MTOR: variants seen among roughly 807,000 people sequenced by gnomAD.
MTOR encodes serine/threonine-protein kinase mTOR.
In MTOR, 70 loss-of-function variants were observed where a neutral mutation model predicts 319.8. That is an observed-to-expected ratio of 0.22 (90% CI 0.18 to 0.27). The LOEUF is 0.27. Ranked by LOEUF, MTOR falls within the 10% of genes least tolerant of loss-of-function variation. MTOR has a pLI of 1.00. For synonymous variants in MTOR, 1,183 were observed against 1,211.4 expected (o/e 0.98, Z 0.49); for missense variants, 1,890 against 3,274.4 (o/e 0.58, Z 10.32).
In MTOR at chr1:11,240,292, T is replaced by C; in HGVS notation, c.1786+11A>G. 1 of 1,545,534 alleles carries C rather than the reference T, an allele frequency of 6.5e-7. No homozygotes were observed. Among genetic ancestry groups the C allele is most frequent in the Non-Finnish European group, 8.7e-7 (1 of 1,147,096 alleles). ...CTCACTATCTTGGCAAGAGCCGTTG[T>C]AATTTCTTACCTTCAAATTCAAAGC... On this transcript the variant is annotated intron_variant, in intron 11 of 57. Transcript: ENST00000361445.
At chr1:11,169,603 T>C (rs1284998123) in intron 28 of MTOR, among the ~76,000 whole-genome samples, 4 of 152,244 alleles carry the variant, frequency 2.6e-5, no homozygotes, top group African/African-American at 4.8e-5. Flanking sequence ...CATAAATGTA[T>C]ACAAAAGGAT....
At chr1:11,131,079 AACCTGAAG>A (rs1643127709) in intron 38 of MTOR, 1 of 462,998 alleles carries the variant, frequency 2.2e-6, no homozygotes, top group Non-Finnish European at 3.9e-6. Flanking sequence ...CTCACGCACA[AACCTGAAG>A]ACCTAGGTAC....
chr1:11,115,645 G>A lies in MTOR; in HGVS notation c.7017-177C>T, dbSNP rs933061138. Reference sequence around the variant, plus strand: ...ACTGGAACACACAGCACGCTCCCTTGTTTAAGTACTGTTCCAGGCTGCTTC... The same window carrying A: ...ACTGGAACACACAGCACGCTCCCTTATTTAAGTACTGTTCCAGGCTGCTTC... On this transcript the variant is annotated intron_variant, in intron 50 of 57. Coordinates refer to ENST00000361445, the MANE Select transcript of MTOR (RefSeq NM_004958.4). The surrounding 1 kb of genome is among the most constrained non-coding windows in gnomAD (Gnocchi z 4.5). The A allele has an allele frequency of 1.0e-4, 61 of 608,452 alleles. No individual in the cohort carries two copies. The East Asian group carries it at 1.5e-3, about 15-fold the overall frequency. 37.7% of individuals were successfully genotyped at this position (608,452 alleles called of 1,614,324 possible).
rs1174740226 is a variant in MTOR, at chr1:11,209,381, T to C, written c.3732A>G (p.Ala1244=). The C allele has an allele frequency of 1.2e-6, 2 of 1,614,178 alleles. No homozygotes were observed. The highest frequency in any genetic ancestry group is 1.7e-5 in the Admixed American group (1 of 60,024). The change falls in exon 25 of 58, where the codon GCA becomes GCG. Residue 1244 remains alanine, a synonymous_variant. Transcript: ENST00000361445. ...CTGTTTCCACTGGTCCACTAGCCAA[T>C]GCATCCCCTTGGCCACTCCTAAGCA... ...HRMLRSGQGD[A]LASGPVETGP...
chr1:11,254,049 A>G, intron 5 of MTOR, 76 bp from the exon 6 acceptor site: 1 of 1,582,616 alleles, frequency 6.3e-7, no homozygotes, highest in South Asian at 1.1e-5. Flanking sequence ...TCCCATCTAC[A>G]CTGGGGGTTC....
Position 11,169,620 on chromosome 1 carries a change from T to C in MTOR, c.4254-2103A>G, listed in dbSNP as rs529899962. On this transcript the variant is annotated intron_variant, in intron 28 of 57. Coordinates refer to ENST00000361445, the MANE Select transcript of MTOR (RefSeq NM_004958.4). ...TAAATGTATACAAAAGGATTGAAAC[T>C]TGGGTTTAACTTTCTGGAGGTCTAA... is the stretch of plus-strand genomic sequence containing the variant. Among the ~76,000 whole-genome samples the C allele has an allele frequency of 3.9e-5, 6 of 152,346 alleles. No homozygotes were observed. In the East Asian group the frequency reaches 7.7e-4, roughly 20 times the overall value.
Position 11,218,154 on chromosome 1 carries a change from G to A in MTOR, c.3031-1920C>T, listed in dbSNP as rs574773571. ...CTATACAAATATGTTATTACAGGCC[G>A]GGCGCGGTGGTTCACGCCTGTAATC... On this transcript the variant is annotated intron_variant, in intron 19 of 57. Coordinates refer to ENST00000361445, the MANE Select transcript of MTOR (RefSeq NM_004958.4). 2.1e-4 allele frequency among the ~76,000 whole-genome samples: 32 copies of A among 152,076 alleles called. 1 individual carries two copies. The highest frequency in any genetic ancestry group is 8.3e-4 in the South Asian group (4 of 4,808).
At chr1:11,119,912 T>C (rs1489735085) in intron 49 of MTOR, among the ~76,000 whole-genome samples, 1 of 151,660 alleles carries the variant, frequency 6.6e-6, no homozygotes, top group Non-Finnish European at 1.5e-5. Context: ...GATCCCAAAA[T>C]CTGCAATACT....
At chr1:11,152,937 G>A (rs778801842) in intron 30 of MTOR, among the ~76,000 whole-genome samples, 2 of 152,106 alleles carry the variant, frequency 1.3e-5, no homozygotes, top group Non-Finnish European at 2.9e-5. Flanking sequence ...AGCCACTTAC[G>A]CTTTATGGGT....
intron 19 of MTOR, among the ~76,000 whole-genome samples, chr1:11,218,429 C>CA (rs34237271): frequency 0.015 from 1,825 of 124,706 alleles, 31 homozygotes; most frequent in African/African-American, 0.049. Flanking sequence ...GACTCCATCT[C>CA]AAAAAAAAAA....
At chr1:11,232,017 A>T (rs1189893968) in intron 16 of MTOR, among the ~76,000 whole-genome samples, 1 of 152,102 alleles carries the variant, frequency 6.6e-6, no homozygotes, top group Non-Finnish European at 1.5e-5. Flanking sequence ...CATGCCCAGA[A>T]ATAAATTAAG....
chr1:11,199,565 A>G lies in MTOR; in HGVS notation c.4083T>C (p.Ala1361=), dbSNP rs1215742479. 6.2e-7 allele frequency: 1 copy of G among 1,614,198 alleles called. No homozygotes were observed. The highest frequency in any genetic ancestry group is 1.1e-5 in the South Asian group (1 of 91,088). The change falls in exon 27 of 58, where the codon GCT becomes GCC. Residue 1361 remains alanine (A), a synonymous_variant. Transcript: ENST00000361445. This position sits in a 1 kb window ranked among gnomAD's most constrained non-coding sequence, Gnocchi z 4.5. ...CCTTGTCACTGTGTTCCATGAATTC[A>G]GCCAAGTTTAAGAGGGTCTGTGTGA... ...AEVTQTLLNL[A]EFMEHSDKGP...
At chr1:11,183,304 T>G (rs1353155767) in intron 28 of MTOR, among the ~76,000 whole-genome samples, 1 of 152,176 alleles carries the variant, frequency 6.6e-6, no homozygotes, top group Non-Finnish European at 1.5e-5. Flanking sequence ...CAATATTTTA[T>G]TTTTTTCTTT....
At chr1:11,174,254 C>T (rs537668496) in intron 28 of MTOR, among the ~76,000 whole-genome samples, 1 of 152,248 alleles carries the variant, frequency 6.6e-6, no homozygotes, top group East Asian at 1.9e-4. Flanking sequence ...TCAGTAGGCA[C>T]CCAGGAATTA....
At chr1:11,130,970 T>A in intron 38 of MTOR, 193 bp from the exon 39 acceptor site, 2 of 682,696 alleles carry the variant, frequency 2.9e-6, no homozygotes, top group South Asian at 1.9e-5. Flanking sequence ...TGTGGAGCAC[T>A]AACTATATAA....
chr1:11,257,176 G>C lies in MTOR; in HGVS notation c.272-11C>G, dbSNP rs750422587. 2.5e-6 allele frequency: 4 copies of C among 1,607,096 alleles called. No individual in the cohort carries two copies. The highest frequency in any genetic ancestry group is 3.4e-6 in the Non-Finnish European group (4 of 1,176,020). On this transcript the variant is annotated splice_polypyrimidine_tract_variant and intron_variant, in intron 3 of 57. Transcript: ENST00000361445. ...CTCCTATGAGGCTAGCTGCAAAAGAGAGGAAGGCAAAAGGTGATGATGGGG... is the reference window on the plus strand; with the variant it reads ...CTCCTATGAGGCTAGCTGCAAAAGACAGGAAGGCAAAAGGTGATGATGGGG...
Position 11,128,611 on chromosome 1 carries a change from T to G in MTOR, c.5812-59A>C. 6.7e-7 allele frequency: 1 copy of G among 1,494,262 alleles called. No homozygotes were observed. The highest frequency in any genetic ancestry group is 9.3e-7 in the Non-Finnish European group (1 of 1,072,462). 92.6% of individuals were successfully genotyped at this position (1,494,262 alleles called of 1,614,324 possible). ...GAGACTTGAAACAACTAGTTATTCT[T>G]CTAGGCAAAGATCAATTCTTTTAAC... On this transcript the variant is annotated intron_variant, in intron 41 of 57. Coordinates refer to ENST00000361445, the MANE Select transcript of MTOR (RefSeq NM_004958.4). This position sits in a 1 kb window ranked among gnomAD's most constrained non-coding sequence, Gnocchi z 5.3.
intron 29 of MTOR, among the ~76,000 whole-genome samples, chr1:11,164,462 A>C (rs1644579609): frequency 6.6e-6 from 1 of 152,168 alleles, no homozygotes; most frequent in African/African-American, 2.4e-5. Context: ...GAATACTATA[A>C]ACACCTCAAC....
intron 29 of MTOR, among the ~76,000 whole-genome samples, chr1:11,162,775 C>T (rs1038624937): frequency 6.6e-6 from 1 of 152,142 alleles, no homozygotes; most frequent in African/African-American, 2.4e-5. Flanking sequence ...ACAAGAGCTC[C>T]TGAAGGAAGC....
Sources: gnomAD v4.1 joint callset for allele counts (sites outside exome capture counted in the v4.1 genomes callset) on GRCh38, gnomAD v4.1.1 for gene constraint, Gnocchi (gnomAD v3.1) non-coding constraint, MANE v1.5 for transcripts, NCBI Gene and HGNC (gene_info 2026-07-23, HGNC 2026-07-21) for gene names.